SEL1L: variants seen among roughly 807,000 people sequenced by gnomAD.
SEL1L encodes protein sel-1 homolog 1.
SEL1L carries 52 observed loss-of-function variants against 109.8 expected under a neutral mutation model. That is an observed-to-expected ratio of 0.47 (90% CI 0.38 to 0.60). SEL1L has a LOEUF of 0.60. Among genes scored for constraint, SEL1L ranks in the 20% least tolerant of loss-of-function variants. The probability of loss-of-function intolerance (pLI) is 0.00; values close to 1 mark genes in which losing one functional copy is unlikely to be tolerated. For synonymous variants in SEL1L, 373 were observed against 339.6 expected, an observed-to-expected ratio of 1.10 and a Z score of -1.08; for missense variants, 749 against 962.2, an observed-to-expected ratio of 0.78 and a Z score of 2.93.
intron 16 of SEL1L, among the ~76,000 whole-genome samples, chr14:81,486,713 G>A (rs1204740955): frequency 2.6e-5 from 4 of 151,388 alleles, no homozygotes; most frequent in Non-Finnish European, 5.9e-5. Flanking sequence ...CCCGGGCACT[G>A]TTGTAATGAT....
At chr14:81,501,085 T>A (rs575538478) in intron 6 of SEL1L, among the ~76,000 whole-genome samples, 1 of 152,258 alleles carries the variant, frequency 6.6e-6, no homozygotes, top group African/African-American at 2.4e-5. Context: ...CCCTAATGAA[T>A]CCTGAGGCTC....
At chr14:81,493,371 A>G (rs547124117) in intron 11 of SEL1L, among the ~76,000 whole-genome samples, 6 of 152,156 alleles carry the variant, frequency 3.9e-5, no homozygotes, top group African/African-American at 1.4e-4. Flanking sequence ...TTAGCCTGAC[A>G]TGGTGGCATG....
In SEL1L at chr14:81,476,362, A is replaced by G. The variant is rs1483121413; in HGVS notation, c.*610T>C. The stretch of plus-strand genomic sequence containing the variant: ...GAGGAGTATGGTATACCGTGTGACA[A>G]TCACCAATAAGAAACCTCCCAACCC... On this transcript the variant is annotated 3_prime_UTR_variant, in exon 21 of 21. Transcript: ENST00000336735. 4 of 152,392 alleles carry G rather than the reference A, an allele frequency of 2.6e-5. No individual in the cohort carries two copies. The highest frequency in any genetic ancestry group is 2.6e-4 in the Admixed American group (4 of 15,296). The allele number at this position is 152,392 out of a possible 1,614,324, so 9.4% of individuals were successfully genotyped here. A position where few individuals can be genotyped will look rare whatever the true frequency, so the allele number is the denominator to read the frequency against.
intron 3 of SEL1L, among the ~76,000 whole-genome samples, chr14:81,510,472 ATCTCTCTCTCTCTCTCTC>A (rs374089460): frequency 0.026 from 3,092 of 118,932 alleles, 137 homozygotes; most frequent in African/African-American, 0.093. Context: ...TAGAATGCTG[ATCTCTCTCTCTCTCTCTC>A]TCTCTCTCTC....
chr14:81,527,472 C>CACACACACAG (rs1276588010), intron 2 of SEL1L, among the ~76,000 whole-genome samples: 2 of 146,798 alleles, frequency 1.4e-5, no homozygotes, highest in African/African-American at 2.5e-5. Flanking sequence ...CACACACACA[C>CACACACACAG]AGAGCACATT....
chr14:81,497,195 CG>C (rs748804629), intron 10 of SEL1L, among the ~76,000 whole-genome samples: 10 of 151,796 alleles, frequency 6.6e-5, no homozygotes, highest in African/African-American at 1.2e-4. Context: ...CGTTTCACTA[CG>C]TTTTTTTTTC....
At chr14:81,499,693 G>C in intron 6 of SEL1L, 31 bp from the exon 7 acceptor site, 1 of 1,576,828 alleles carries the variant, frequency 6.3e-7, no homozygotes, top group Non-Finnish European at 8.6e-7. Context: ...AAGAAATCTT[G>C]CTTTGGTGAA....
At chr14:81,498,363 A>T in intron 9 of SEL1L, 50 bp downstream of exon 9, 1 of 1,421,190 alleles carries the variant, frequency 7.0e-7, no homozygotes, top group Non-Finnish European at 9.8e-7. Flanking sequence ...GTTTAAAGTT[A>T]ATTCCATTTA....
rs142699368 is a variant in SEL1L, at chr14:81,521,042, T to C, written c.340+5691A>G. On this transcript the variant is annotated intron_variant, in intron 3 of 20. Coordinates refer to ENST00000336735, the MANE Select transcript of SEL1L (RefSeq NM_005065.6). ...CTCACGTCTTATGATAATTTTATCT[T>C]TGAAAATATTTGCCAAGCTTGATAC... is the stretch of plus-strand genomic sequence containing the variant. Among the ~76,000 whole-genome samples, 9 of 152,318 alleles carry C rather than the reference T, an allele frequency of 5.9e-5. No individual in the cohort carries two copies. The East Asian group carries it at 1.7e-3, about 29-fold the overall frequency.
chr14:81,521,362 A>G (rs1884899519), intron 3 of SEL1L, among the ~76,000 whole-genome samples: 1 of 152,218 alleles, frequency 6.6e-6, no homozygotes, highest in South Asian at 2.1e-4. Flanking sequence ...GGAAAAAAAA[A>G]GTTACGAAAG....
intron 3 of SEL1L, among the ~76,000 whole-genome samples, chr14:81,524,667 T>C (rs1885046025): frequency 6.6e-6 from 1 of 151,758 alleles, no homozygotes; most frequent in Admixed American, 6.6e-5. Context: ...AGGTCAGGAG[T>C]TCGAGACCAG....
chr14:81,501,046 T>C (rs1047201228), intron 6 of SEL1L, among the ~76,000 whole-genome samples: 1 of 152,200 alleles, frequency 6.6e-6, no homozygotes, highest in African/African-American at 2.4e-5. Flanking sequence ...GCCTGGGGTA[T>C]GGCTGTCAGG....
chr14:81,533,237 C>G (rs1402126315), intron 1 of SEL1L, among the ~76,000 whole-genome samples: 7 of 152,202 alleles, frequency 4.6e-5, no homozygotes, highest in Non-Finnish European at 5.9e-5. Context: ...CTGTCAACAT[C>G]CTGGTCTGGA....
chr14:81,511,116 G>T (rs1884460794), intron 3 of SEL1L, among the ~76,000 whole-genome samples: 1 of 152,174 alleles, frequency 6.6e-6, no homozygotes, highest in African/African-American at 2.4e-5. Context: ...ACCAAAAGTT[G>T]AAAACTGCTA....
rs17094184 is a variant in SEL1L, at chr14:81,476,473, T to C, written c.*499A>G. 0.046 allele frequency: 7,123 copies of C among 153,666 alleles called. 507 individuals are homozygous for C. Among genetic ancestry groups the C allele is most frequent in the African/African-American group, 0.16 (6,499 of 41,400 alleles). The allele number at this position is 153,666 out of a possible 1,614,324, so 9.5% of individuals were successfully genotyped here. On this transcript the variant is annotated 3_prime_UTR_variant, in exon 21 of 21. Transcript: ENST00000336735. The stretch of plus-strand genomic sequence containing the variant: ...TCTCAGTTATCGCAGTTCCAAAACA[T>C]TTTCAAGATAGCTTTTTTTTTTTTT...
chr14:81,497,749 G>T (rs577335970), intron 10 of SEL1L, 143 bp downstream of exon 10: 2 of 696,984 alleles, frequency 2.9e-6, no homozygotes, highest in Non-Finnish European at 4.5e-6. Context: ...TTTTTTAAGG[G>T]GCTCAGGTGA....
At chr14:81,489,349 A>T (rs1012213207) in intron 13 of SEL1L, 35 bp from the exon 14 acceptor site, 6 of 1,558,240 alleles carry the variant, frequency 3.9e-6, no homozygotes, top group Non-Finnish European at 5.3e-6. Flanking sequence ...AAGAGTGAAA[A>T]GAATTCATTC....
chr14:81,495,236 G>GTT, intron 10 of SEL1L, 99 bp from the exon 11 acceptor site: 1 of 1,028,788 alleles, frequency 9.7e-7, no homozygotes. Flanking sequence ...AATGGCTTCT[G>GTT]TTCATGACTC....
Position 81,484,636 on chromosome 14 carries a change from G to C in SEL1L, c.1874-239C>G, listed in dbSNP as rs2139989847. The stretch of plus-strand genomic sequence containing the variant: ...GAGAGGTAAAACCAAGTTGGTGTGT[G>C]TGTAGGGGGACAGGTTTAATATCCC... On this transcript the variant is annotated intron_variant, in intron 18 of 20. Coordinates refer to ENST00000336735, the MANE Select transcript of SEL1L (RefSeq NM_005065.6). 4 of 375,636 alleles carry C rather than the reference G, an allele frequency of 1.1e-5. No homozygotes were observed. In the South Asian group the frequency reaches 1.5e-4, roughly 14 times the overall value. The allele number at this position is 375,636 out of a possible 1,614,324, so 23.3% of individuals were successfully genotyped here. A position where few individuals can be genotyped will look rare whatever the true frequency, so the allele number is the denominator to read the frequency against.
Sources: allele counts gnomAD v4.1 joint callset (sites outside exome capture counted in the v4.1 genomes callset), GRCh38; gene constraint gnomAD v4.1.1; transcripts MANE v1.5; gene names NCBI Gene and HGNC (gene_info 2026-07-23, HGNC 2026-07-21).